Variants in RSPO2 observed in about 807,000 individuals in gnomAD.
RSPO2 encodes the protein R-spondin 2.
A neutral mutation model predicts 30.9 loss-of-function variants in RSPO2; 14 were observed. The ratio of observed to expected loss-of-function variants is 0.45; its 90% CI spans 0.30 to 0.71. The LOEUF is 0.71. RSPO2 is among the 30% of genes least tolerant of loss of function. The pLI, the probability that RSPO2 is intolerant of heterozygous loss-of-function variation, is 0.08. For synonymous variants in RSPO2, 107 were observed against 96.4 expected, an observed-to-expected ratio of 1.11 and a Z score of -0.64; for missense variants, 264 against 301.9, an observed-to-expected ratio of 0.87 and a Z score of 0.93.
chr8:108,026,050 T>G (rs1485511026), intron 2 of RSPO2, among the ~76,000 whole-genome samples: 1 of 152,150 alleles, frequency 6.6e-6, no homozygotes, highest in African/African-American at 2.4e-5. Flanking sequence ...CTTAACATAG[T>G]GATCAAAGTT....
At position 108,036,821 on chromosome 8, in the gene RSPO2, A is replaced by T. The variant is rs182344350; in HGVS notation, c.94+45724T>A. On this transcript the variant is annotated intron_variant, in intron 2 of 5. Coordinates refer to ENST00000276659, the MANE Select transcript of RSPO2 (RefSeq NM_178565.5). ...TTTGGTAATGCTTGCAATATTTAAA[A>T]TTTTTCATTATTATTAATCTGTTAT... is the stretch of plus-strand genomic sequence containing the variant. Among the ~76,000 whole-genome samples the T allele has an allele frequency of 3.0e-4, 46 of 152,058 alleles. No individual in the cohort carries two copies. In the East Asian group the frequency reaches 5.8e-3, roughly 19 times the overall value.
rs1187335654 is a variant in RSPO2, at chr8:107,979,181, G to T, written c.283+9875C>A. On this transcript the variant is annotated intron_variant, in intron 3 of 5. Coordinates refer to ENST00000276659, the MANE Select transcript of RSPO2 (RefSeq NM_178565.5). ...TTTGACCTAGCCATCTCATTACTGG[G>T]TATATACCCAAAGGATTATAAATCA... 2.0e-5 allele frequency among the ~76,000 whole-genome samples: 3 copies of T among 152,280 alleles called. No homozygotes were observed. The South Asian group carries it at 6.2e-4, about 32-fold the overall frequency.
chr8:107,939,210 CTG>C (rs1052609362), intron 5 of RSPO2, among the ~76,000 whole-genome samples: 6 of 152,080 alleles, frequency 3.9e-5, no homozygotes, highest in Admixed American at 3.9e-4. Context: ...CCGGCAGGAA[CTG>C]TTATCACTTC....
chr8:107,995,007 A>T (rs1050721198), intron 2 of RSPO2, among the ~76,000 whole-genome samples: 1 of 152,096 alleles, frequency 6.6e-6, no homozygotes. Flanking sequence ...ACAGCCTCTC[A>T]TCCAGGAAGT....
At chr8:107,982,069 G>C (rs1182370102) in intron 3 of RSPO2, among the ~76,000 whole-genome samples, 1 of 144,418 alleles carries the variant, frequency 6.9e-6, no homozygotes, top group Non-Finnish European at 1.5e-5. Flanking sequence ...GAAACAAAAT[G>C]TAGTGTTCTC....
chr8:107,942,786 T>TA (rs924295395), intron 5 of RSPO2, among the ~76,000 whole-genome samples: 24 of 151,898 alleles, frequency 1.6e-4, no homozygotes, highest in South Asian at 6.2e-4. Context: ...TGCTAAAACA[T>TA]AAAAAAAAGG....
At chr8:108,001,241 A>G (rs553133697) in intron 2 of RSPO2, among the ~76,000 whole-genome samples, 12 of 152,292 alleles carry the variant, frequency 7.9e-5, no homozygotes, top group African/African-American at 2.9e-4. Flanking sequence ...ACAGTCATGA[A>G]TACCCCAAAT....
chr8:107,957,462 C>T (rs1453555542), intron 5 of RSPO2, among the ~76,000 whole-genome samples: 1 of 152,178 alleles, frequency 6.6e-6, no homozygotes, highest in African/African-American at 2.4e-5. Context: ...GGGCCTAATC[C>T]TGTTATTACA....
At chr8:107,976,097 T>C (rs1304765184) in intron 3 of RSPO2, among the ~76,000 whole-genome samples, 1 of 152,198 alleles carries the variant, frequency 6.6e-6, no homozygotes, top group Non-Finnish European at 1.5e-5. Flanking sequence ...GAAAGGTCCC[T>C]TTTCAATTTG....
At chr8:108,032,511 A>C (rs1811454667) in intron 2 of RSPO2, among the ~76,000 whole-genome samples, 1 of 152,216 alleles carries the variant, frequency 6.6e-6, no homozygotes, top group Non-Finnish European at 1.5e-5. Flanking sequence ...TACCCTAGAT[A>C]CATATTATTT....
chr8:108,049,857 T>C (rs1480147043), intron 2 of RSPO2, among the ~76,000 whole-genome samples: 1 of 152,180 alleles, frequency 6.6e-6, no homozygotes, highest in Non-Finnish European at 1.5e-5. Context: ...AGTGCTGCAA[T>C]AAACATACAA....
intron 5 of RSPO2, among the ~76,000 whole-genome samples, chr8:107,902,628 T>A (rs967527398): frequency 1.3e-5 from 2 of 152,094 alleles, no homozygotes; most frequent in African/African-American, 4.8e-5. Context: ...AGATGTTTCT[T>A]ATTTCTGTTC....
intron 5 of RSPO2, among the ~76,000 whole-genome samples, chr8:107,933,551 T>C (rs981782363): frequency 1.1e-4 from 16 of 152,164 alleles, no homozygotes; most frequent in Admixed American, 4.6e-4. Context: ...ATGAAACCCA[T>C]GAACAGATTT....
chr8:108,059,334 T>C (rs1328144459), intron 2 of RSPO2, among the ~76,000 whole-genome samples: 4 of 151,692 alleles, frequency 2.6e-5, no homozygotes, highest in African/African-American at 9.7e-5. Context: ...ATGGCAATCA[T>C]TAAAAAGTCA....
intron 2 of RSPO2, among the ~76,000 whole-genome samples, chr8:108,052,365 G>C (rs1188168295): frequency 6.6e-6 from 1 of 152,068 alleles, no homozygotes; most frequent in Non-Finnish European, 1.5e-5. Flanking sequence ...TTCCAACAGG[G>C]ATGTATTCCC....
At chr8:107,962,243 T>C (rs1813650459) in intron 3 of RSPO2, among the ~76,000 whole-genome samples, 1 of 152,114 alleles carries the variant, frequency 6.6e-6, no homozygotes, top group East Asian at 1.9e-4. Flanking sequence ...AAATGTTAAA[T>C]CACTGAAGAT....
intron 5 of RSPO2, among the ~76,000 whole-genome samples, chr8:107,903,608 C>CTGAAAGCTTATTTATGTAAAATAATTTTT (rs1811546657): frequency 6.6e-6 from 1 of 152,070 alleles, no homozygotes; most frequent in Admixed American, 6.6e-5. Context: ...AGCAATGCTT[C>CTGAAAGCTTATTTATGTAAAATAATTTTT]TGAAAGCTTA....
At position 107,955,278 on chromosome 8, in the gene RSPO2, T is replaced by TC. The variant is rs148216313; in HGVS notation, c.616+2801dup. On this transcript the variant is annotated intron_variant, in intron 5 of 5. Coordinates refer to ENST00000276659, the MANE Select transcript of RSPO2 (RefSeq NM_178565.5). ...AGAACAGGACCTCAGAGATCACCTATCCCCCCCTAAATCCTCAATTTTACA... is the reference window on the plus strand; with the variant it reads ...AGAACAGGACCTCAGAGATCACCTATCCCCCCCCTAAATCCTCAATTTTACA... Among the ~76,000 whole-genome samples, 1,069 of 151,810 alleles carry TC rather than the reference T, an allele frequency of 7.0e-3. 50 individuals are homozygous for TC. The East Asian group carries it at 0.13, about 19-fold the overall frequency.
Position 107,915,337 on chromosome 8 carries a change from C to G in RSPO2, c.617-14147G>C, listed in dbSNP as rs554732098. Among the ~76,000 whole-genome samples, 4 of 152,062 alleles carry G rather than the reference C, an allele frequency of 2.6e-5. No homozygotes were observed. In the South Asian group the frequency reaches 8.3e-4, roughly 32 times the overall value. On this transcript the variant is annotated intron_variant, in intron 5 of 5. Transcript: ENST00000276659. Reference sequence around the variant, plus strand: ...TGGGGTGTCTGGGTTGGTGAGTATCCTAGGGTCTGCCAACACCTTCTTCCT... The same window carrying G: ...TGGGGTGTCTGGGTTGGTGAGTATCGTAGGGTCTGCCAACACCTTCTTCCT...
Sources: allele counts gnomAD v4.1 joint callset (sites outside exome capture counted in the v4.1 genomes callset), GRCh38; gene constraint gnomAD v4.1.1; transcripts MANE v1.5; gene names NCBI Gene and HGNC (gene_info 2026-07-23, HGNC 2026-07-21).